CIRSR: variants seen among roughly 807,000 people sequenced by gnomAD.
CIRSR encodes CBF1 (RBPJ) interacting corepressor 1.
chr2:174,373,742 T>C, the CIRSR span, among the ~76,000 whole-genome samples: 1 of 151,730 alleles, frequency 6.6e-6, no homozygotes, highest in Non-Finnish European at 1.5e-5. Context: ...ATTAGAAATG[T>C]TGAAAATGTC....
the CIRSR span, among the ~76,000 whole-genome samples, chr2:174,392,988 G>A: frequency 6.6e-6 from 1 of 152,128 alleles, no homozygotes. Context: ...GCAAGAAGTG[G>A]GCCAAGGATG....
chr2:174,390,813 T>C, the CIRSR span, among the ~76,000 whole-genome samples: 1 of 152,126 alleles, frequency 6.6e-6, no homozygotes, highest in Admixed American at 6.5e-5. Context: ...AAAAGGAGCT[T>C]TTCCTCTTTT....
the CIRSR span, among the ~76,000 whole-genome samples, chr2:174,388,481 G>A: frequency 1.3e-5 from 2 of 152,178 alleles, no homozygotes; most frequent in East Asian, 1.9e-4. Flanking sequence ...GATTACAGGC[G>A]TAAGCCACTG....
the CIRSR span, among the ~76,000 whole-genome samples, chr2:174,359,433 C>T: frequency 6.6e-6 from 1 of 151,928 alleles, no homozygotes; most frequent in Non-Finnish European, 1.5e-5. Flanking sequence ...TTATATATCT[C>T]TCTATGAGAA....
the CIRSR span, among the ~76,000 whole-genome samples, chr2:174,394,989 T>C: frequency 1.3e-5 from 2 of 152,236 alleles, no homozygotes; most frequent in Non-Finnish European, 2.9e-5. Flanking sequence ...CTCGAATAAC[T>C]AGAATCCAGG....
At chr2:174,353,554 G>A in the CIRSR span, among the ~76,000 whole-genome samples, 2 of 152,176 alleles carry the variant, frequency 1.3e-5, no homozygotes, top group South Asian at 2.1e-4. Flanking sequence ...TGCAACCTCC[G>A]CCACCTGGGT....
the CIRSR span, among the ~76,000 whole-genome samples, chr2:174,354,209 T>C: frequency 1.3e-5 from 2 of 150,948 alleles, no homozygotes; most frequent in African/African-American, 4.9e-5. Flanking sequence ...GTGTAGTATA[T>C]AAATTTAGCA....
At chr2:174,388,698 C>T in the CIRSR span, among the ~76,000 whole-genome samples, 1 of 152,114 alleles carries the variant, frequency 6.6e-6, no homozygotes, top group Admixed American at 6.6e-5. Context: ...CGCAAACACA[C>T]ACACGCACAC....
At chr2:174,376,821 G>T in the CIRSR span, among the ~76,000 whole-genome samples, 3 of 121,894 alleles carry the variant, frequency 2.5e-5, no homozygotes, top group Admixed American at 8.1e-5. Context: ...AAAAAAAAAA[G>T]AAAGAAATGG....
the CIRSR span, chr2:174,381,725 C>A: frequency 3.8e-6 from 6 of 1,594,492 alleles, no homozygotes; most frequent in Non-Finnish European, 4.3e-6. Context: ...CCTGGTGGGG[C>A]TTCATACATG....
the CIRSR span, chr2:174,370,108 G>C: frequency 7.6e-7 from 1 of 1,314,456 alleles, no homozygotes; most frequent in Non-Finnish European, 1.0e-6. Flanking sequence ...CTGGTGTAGA[G>C]CTGAGTTCAA....
the CIRSR span, among the ~76,000 whole-genome samples, chr2:174,383,927 G>C: frequency 6.6e-6 from 1 of 151,412 alleles, no homozygotes; most frequent in Admixed American, 6.6e-5. Flanking sequence ...ATTACTAGTA[G>C]GAAATGTAAA....
At chr2:174,387,747 A>T in the CIRSR span, 2 of 1,598,368 alleles carry the variant, frequency 1.3e-6, no homozygotes, top group Non-Finnish European at 1.7e-6. Context: ...GTTTCTTCTT[A>T]TCATATGATA....
the CIRSR span, among the ~76,000 whole-genome samples, chr2:174,364,334 C>T: frequency 2.6e-5 from 4 of 152,234 alleles, no homozygotes; most frequent in African/African-American, 7.2e-5. Context: ...GTATAGCCTC[C>T]CTCCTGGCTG....
At chr2:174,381,670 A>G in the CIRSR span, 1 of 1,526,230 alleles carries the variant, frequency 6.6e-7, no homozygotes, top group African/African-American at 1.4e-5. Context: ...AAAAAAAAAA[A>G]GAAAGAAAAA....
the CIRSR span, among the ~76,000 whole-genome samples, chr2:174,374,729 G>C: frequency 6.6e-6 from 1 of 152,200 alleles, no homozygotes; most frequent in Non-Finnish European, 1.5e-5. Flanking sequence ...TAACCGCTAA[G>C]TACATGGCTT....
the CIRSR span, among the ~76,000 whole-genome samples, chr2:174,352,591 A>T: frequency 6.6e-5 from 10 of 151,824 alleles, no homozygotes; most frequent in Admixed American, 3.3e-4. Flanking sequence ...TAAATAAATA[A>T]TTTTTTTTTA....
chr2:174,356,558 A>AG, the CIRSR span, among the ~76,000 whole-genome samples: 14 of 121,032 alleles, frequency 1.2e-4, no homozygotes, highest in East Asian at 3.0e-4. Flanking sequence ...AAGGAAAGGA[A>AG]GAAAGAAAGG....
chr2:174,393,753 C>T, the CIRSR span, among the ~76,000 whole-genome samples: 1 of 151,590 alleles, frequency 6.6e-6, no homozygotes, highest in Non-Finnish European at 1.5e-5. Context: ...TTAATGTATA[C>T]AACCTGAGTT....
Sources: gnomAD v4.1 joint callset for allele counts (sites outside exome capture counted in the v4.1 genomes callset) on GRCh38, gnomAD v4.1.1 for gene constraint, MANE v1.5 for transcripts, NCBI Gene and HGNC (gene_info 2026-07-23, HGNC 2026-07-21) for gene names.